SPTBN1: variants seen among roughly 807,000 people sequenced by gnomAD.
The protein encoded by SPTBN1 is spectrin beta, non-erythrocytic 1.
A neutral mutation model predicts 266.4 loss-of-function variants in SPTBN1; 32 were observed. That is an observed-to-expected ratio of 0.12 (90% CI 0.09 to 0.16). SPTBN1 has a LOEUF of 0.16. SPTBN1 is among the 10% of genes least tolerant of loss of function. The pLI is 1.00. For synonymous variants in SPTBN1, 1,336 were observed against 1,162.2 expected (o/e 1.15, Z -3.04); for missense variants, 2,296 against 3,067.1 (o/e 0.75, Z 5.94).
At chr2:54,480,257 G>T (rs1483116283) in intron 1 of SPTBN1, among the ~76,000 whole-genome samples, 4 of 152,192 alleles carry the variant, frequency 2.6e-5, no homozygotes, top group Non-Finnish European at 5.9e-5. Flanking sequence ...ATGGTTGGGA[G>T]GTTGAGTGGG....
intron 17 of SPTBN1, among the ~76,000 whole-genome samples, chr2:54,633,394 TA>T (rs1356176079): frequency 2.0e-5 from 3 of 151,314 alleles, no homozygotes; most frequent in East Asian, 3.9e-4. Context: ...TGTTTAAAAT[TA>T]TTTTTTTATT....
chr2:54,641,476 C>T (rs1045418353), intron 18 of SPTBN1, among the ~76,000 whole-genome samples: 1 of 152,168 alleles, frequency 6.6e-6, no homozygotes, highest in Non-Finnish European at 1.5e-5. Context: ...GATTGAATAG[C>T]CATAGTCTTT....
chr2:54,656,066 C>A lies in SPTBN1; in HGVS notation c.6046+68C>A, dbSNP rs963069701. On this transcript the variant is annotated intron_variant, in intron 29 of 35. Coordinates refer to ENST00000356805, the MANE Select transcript of SPTBN1 (RefSeq NM_003128.3). ...GAAAACATGCACGTTTATTTTCTTG[C>A]TTTAATTCATTAATGTTATCATTTA... 5 of 1,349,256 alleles carry A rather than the reference C, an allele frequency of 3.7e-6. No individual in the cohort carries two copies. In the African/African-American group the frequency reaches 4.4e-5, roughly 12 times the overall value. 83.6% of individuals were successfully genotyped at this position (1,349,256 alleles called of 1,614,324 possible). A position where few individuals can be genotyped will look rare whatever the true frequency, so the allele number is the denominator to read the frequency against.
rs906333900 is a variant in SPTBN1, at chr2:54,662,349, A to G, written c.6421-2104A>G. On this transcript the variant is annotated intron_variant, in intron 32 of 35. Coordinates refer to ENST00000356805, the MANE Select transcript of SPTBN1 (RefSeq NM_003128.3). The stretch of plus-strand genomic sequence containing the variant: ...TGGTTAGTGATTCATTTGCATAAAC[A>G]TTAATGATCTCTGCATACTGGTTTG... 3 of 981,832 alleles carry G rather than the reference A, an allele frequency of 3.1e-6. No individual in the cohort carries two copies. The African/African-American group carries it at 5.3e-5, about 17-fold the overall frequency. 60.8% of individuals were successfully genotyped at this position (981,832 alleles called of 1,614,324 possible).
In SPTBN1 at chr2:54,558,859, G is replaced by A; in HGVS notation, c.148+32293G>A. The A allele has an allele frequency of 1.2e-6, 2 of 1,613,938 alleles. No homozygotes were observed. Among genetic ancestry groups the A allele is most frequent in the Non-Finnish European group, 1.7e-6 (2 of 1,179,874 alleles). On this transcript the variant is annotated intron_variant, in intron 2 of 35. Coordinates refer to ENST00000356805, the MANE Select transcript of SPTBN1 (RefSeq NM_003128.3). The surrounding 1 kb of genome is among the most constrained non-coding windows in gnomAD (Gnocchi z 4.6). ...GGCAGGTGCCTTACAACTACAACCA[G>A]CTGGAAGGCAGATTCAAGCAGCTGC...
intron 2 of SPTBN1, among the ~76,000 whole-genome samples, chr2:54,591,618 C>CT (rs1045997587): frequency 3.9e-5 from 6 of 152,054 alleles, no homozygotes; most frequent in African/African-American, 1.2e-4. Context: ...TCTATGTTTC[C>CT]TTTTTTTTCC....
At chr2:54,638,313 A>G (rs1216847604) in intron 18 of SPTBN1, among the ~76,000 whole-genome samples, 1 of 152,276 alleles carries the variant, frequency 6.6e-6, no homozygotes, top group Non-Finnish European at 1.5e-5. Flanking sequence ...AAAGCAATGT[A>G]CATTTCAATG....
At chr2:54,657,396 C>T (rs1680745937) in intron 29 of SPTBN1, among the ~76,000 whole-genome samples, 2 of 152,192 alleles carry the variant, frequency 1.3e-5, no homozygotes, top group South Asian at 2.1e-4. Context: ...GTGAACAGAG[C>T]GTTCACTGTA....
At chr2:54,602,865 C>G (rs1172235092) in intron 3 of SPTBN1, among the ~76,000 whole-genome samples, 1 of 152,094 alleles carries the variant, frequency 6.6e-6, no homozygotes, top group Non-Finnish European at 1.5e-5. Flanking sequence ...TTTCATAAAG[C>G]CTTTGTTTAA....
Position 54,649,690 on chromosome 2 carries a change from C to T in SPTBN1, c.5278C>T (p.His1760Tyr), listed in dbSNP as rs1315573703. ...IGQERVDTVNHLADELINSGH... is the reference protein window; with the variant it reads ...IGQERVDTVNYLADELINSGH... The stretch of plus-strand genomic sequence containing the variant: ...GCAGGAGCGCGTGGACACGGTCAAT[C>T]ACCTGGCAGATGAGCTCATCAACTC... The change falls in exon 26 of 36, where the codon CAC (histidine) becomes TAC (tyrosine). Residue 1760 changes from histidine to tyrosine, a missense_variant. His to Tyr is a moderately conservative substitution (Grantham distance 83, BLOSUM62 2). This residue lies in a region of SPTBN1 where 644 missense variants were observed against 745.3 expected (regional missense o/e 0.86). Transcript: ENST00000356805. This position sits in a 1 kb window ranked among gnomAD's most constrained non-coding sequence, Gnocchi z 6.7. 4 of 1,614,066 alleles carry T rather than the reference C, an allele frequency of 2.5e-6. No homozygotes were observed. Among genetic ancestry groups the T allele is most frequent in the Non-Finnish European group, 3.4e-6 (4 of 1,180,034 alleles).
At chr2:54,499,724 G>A (rs753939378) in intron 1 of SPTBN1, among the ~76,000 whole-genome samples, 2 of 152,176 alleles carry the variant, frequency 1.3e-5, no homozygotes, top group East Asian at 3.8e-4. Flanking sequence ...GGTAGATAAA[G>A]CTTCAGAAAC....
At chr2:54,661,725 G>T (rs981562677) in intron 32 of SPTBN1, 4 of 985,452 alleles carry the variant, frequency 4.1e-6, no homozygotes, top group Admixed American at 6.1e-5. Flanking sequence ...ATGTATATAT[G>T]TGATGTTTTC....
chr2:54,514,404 G>GA (rs888760664), intron 1 of SPTBN1, among the ~76,000 whole-genome samples: 24 of 151,208 alleles, frequency 1.6e-4, no homozygotes, highest in Admixed American at 9.2e-4. Context: ...TGCCCATTAA[G>GA]AAAAAAAAAT....
intron 30 of SPTBN1, 84 bp from the exon 31 acceptor site, chr2:54,659,070 G>A (rs1680863805): frequency 5.5e-6 from 8 of 1,446,078 alleles, no homozygotes; most frequent in Non-Finnish European, 6.8e-6. Context: ...AACTAGACAG[G>A]AGGACTTCCT....
chr2:54,562,533 C>CTTTTTTTCTTTTTTTTTTTTTTTTTTT (rs746897447), intron 2 of SPTBN1, among the ~76,000 whole-genome samples: 1 of 126,826 alleles, frequency 7.9e-6, no homozygotes, highest in Admixed American at 8.2e-5. Flanking sequence ...TTTTCTTTTT[C>CTTTTTTTCTTTTTTTTTTTTTTTTTTT]TTTTTTTTTT....
intron 1 of SPTBN1, 150 bp downstream of exon 1, chr2:54,456,668 G>A (rs1156694814): frequency 6.6e-6 from 1 of 151,164 alleles, no homozygotes; most frequent in Non-Finnish European, 1.5e-5. Context: ...GGAGCCGCGT[G>A]GGGGCAGGGA....
intron 1 of SPTBN1, chr2:54,520,280 T>C (rs892352954): frequency 1.3e-5 from 2 of 152,166 alleles, no homozygotes; most frequent in African/African-American, 4.8e-5. Flanking sequence ...TTCCAGGTAT[T>C]GACTTTACGA....
At chr2:54,656,658 A>G (rs1680684421) in intron 29 of SPTBN1, among the ~76,000 whole-genome samples, 1 of 152,092 alleles carries the variant, frequency 6.6e-6, no homozygotes, top group Non-Finnish European at 1.5e-5. Context: ...CTCTGTCCTT[A>G]TGTTCTAACT....
chr2:54,583,896 T>C (rs1056502433), intron 2 of SPTBN1, among the ~76,000 whole-genome samples: 6 of 152,208 alleles, frequency 3.9e-5, no homozygotes, highest in African/African-American at 1.4e-4. Flanking sequence ...AATCATTTCA[T>C]ATTTTCCCCT....
Sources: allele counts gnomAD v4.1 joint callset (sites outside exome capture counted in the v4.1 genomes callset), GRCh38; gene constraint gnomAD v4.1.1; regional missense constraint gnomAD v4.1.1; non-coding constraint Gnocchi (gnomAD v3.1); transcripts MANE v1.5; gene names NCBI Gene and HGNC (gene_info 2026-07-23, HGNC 2026-07-21).